The following ROCK2 variants were observed in gnomAD, a reference collection of about 807,000 sequenced individuals.
ROCK2 encodes rho-associated protein kinase 2.
ROCK2 carries 61 observed loss-of-function variants against 195.1 expected under a neutral mutation model. The observed-to-expected ratio is 0.31, with a 90% CI of 0.25 to 0.39. ROCK2 has a LOEUF of 0.39. Among genes scored for constraint, ROCK2 ranks in the 10% least tolerant of loss-of-function variants. The probability of loss-of-function intolerance (pLI) is 1.00; values close to 1 mark genes in which losing one functional copy is unlikely to be tolerated. For missense variants in ROCK2, 1,109 were observed against 1,637.4 expected, an observed-to-expected ratio of 0.68 and a Z score of 5.57; for synonymous variants, 504 against 545.5, an observed-to-expected ratio of 0.92 and a Z score of 1.06.
At position 11,197,257 on chromosome 2, in the gene ROCK2, T is replaced by C. The variant is rs759608106; in HGVS notation, c.3371A>G (p.Gln1124Arg). The stretch of plus-strand genomic sequence containing the variant: ...ACTATCCAGACCAATATGCAAGGCT[T>C]GGAGTTGTGACCGCAGCTGCTCAAT... The part of the protein sequence containing the change: ...SDIEQLRSQL[Q>R]ALHIGLDSSS... The change falls in exon 27 of 33, where the codon CAA becomes CGA. Residue 1124 changes from glutamine (Q) to arginine (R), a missense_variant. Gln to Arg is a conservative substitution (Grantham distance 43, BLOSUM62 1). Coordinates refer to ENST00000315872, the MANE Select transcript of ROCK2 (RefSeq NM_004850.5). This position sits in a 1 kb window ranked among gnomAD's most constrained non-coding sequence, Gnocchi z 4.9. 1 of 1,614,090 alleles carries C rather than the reference T, an allele frequency of 6.2e-7. No homozygotes were observed. The highest frequency in any genetic ancestry group is 8.5e-7 in the Non-Finnish European group (1 of 1,179,930).
intron 32 of ROCK2, among the ~76,000 whole-genome samples, chr2:11,189,707 C>A (rs1027709683): frequency 1.3e-5 from 2 of 152,022 alleles, no homozygotes; most frequent in Non-Finnish European, 2.9e-5. Flanking sequence ...ACTGGCCAGG[C>A]GTGGTGGCTC....
rs1247131322 is a variant in ROCK2, at chr2:11,192,698, A to G, written c.3702T>C (p.Asn1234=). The part of the protein sequence containing the change: ...IPRIFQILYA[N]EGESKKEQEF... ...CTTGTTCCTTCTTACTTTCTCCTTC[A>G]TTGGCATACAGAATCTATGAATGCC... The change falls in exon 31 of 33, where the codon AAT becomes AAC. Residue 1234 remains asparagine, a synonymous_variant. Coordinates refer to ENST00000315872, the MANE Select transcript of ROCK2 (RefSeq NM_004850.5). This position sits in a 1 kb window ranked among gnomAD's most constrained non-coding sequence, Gnocchi z 5.0. The G allele has an allele frequency of 1.9e-6, 3 of 1,612,702 alleles. No homozygotes were observed. The highest frequency in any genetic ancestry group is 2.5e-6 in the Non-Finnish European group (3 of 1,179,638).
In ROCK2 at chr2:11,182,647, T is replaced by TG. The variant is rs1455196763; in HGVS notation, c.*789dup. 6.6e-6 allele frequency: 1 copy of TG among 152,658 alleles called. No homozygotes were observed. Among genetic ancestry groups the TG allele is most frequent in the African/African-American group, 2.4e-5 (1 of 41,456 alleles). 9.5% of individuals were successfully genotyped at this position (152,658 alleles called of 1,614,324 possible). ...CCTAAGAGCTGGTAAACGCTTTTTTTGTTTTTTAATACAGACAGGGCTGAG... is the reference window on the plus strand; with the variant it reads ...CCTAAGAGCTGGTAAACGCTTTTTTTGGTTTTTTAATACAGACAGGGCTGAG... On this transcript the variant is annotated 3_prime_UTR_variant, in exon 33 of 33. Coordinates refer to ENST00000315872, the MANE Select transcript of ROCK2 (RefSeq NM_004850.5).
rs753685005 is a variant in ROCK2 at position 11,201,003 on chromosome 2, G to T, written c.2864C>A (p.Ala955Asp). Residue 955 changes from alanine (A) to aspartate (D), a missense_variant, in exon 23 of 33, where the codon GCT becomes GAT. Physicochemically the swap from Ala to Asp is moderately radical, Grantham distance 126. Coordinates refer to ENST00000315872, the MANE Select transcript of ROCK2 (RefSeq NM_004850.5). The surrounding 1 kb of genome is among the most constrained non-coding windows in gnomAD (Gnocchi z 4.6). ...MKELEIKEMMARHKQELTEKD... is the reference protein window; with the variant it reads ...MKELEIKEMMDRHKQELTEKD... The stretch of plus-strand genomic sequence containing the variant: ...TTCCGTAAGTTCCTGTTTGTGTCTA[G>T]CCATCATCTCTTTGATCTCCAGCTC... The T allele has an allele frequency of 3.1e-6, 5 of 1,610,972 alleles. No individual in the cohort carries two copies. The highest frequency in any genetic ancestry group is 4.2e-6 in the Non-Finnish European group (5 of 1,179,200).
chr2:11,326,579 T>C (rs1305134171), intron 1 of ROCK2, among the ~76,000 whole-genome samples: 1 of 152,198 alleles, frequency 6.6e-6, no homozygotes, highest in Non-Finnish European at 1.5e-5. Context: ...CGTTTTTGTT[T>C]TGTTTTTTAT....
intron 1 of ROCK2, among the ~76,000 whole-genome samples, chr2:11,330,033 C>A (rs1416299148): frequency 6.6e-6 from 1 of 152,080 alleles, no homozygotes; most frequent in Non-Finnish European, 1.5e-5. Flanking sequence ...TTGTACAACA[C>A]TGAGGTATTA....
intron 30 of ROCK2, 71 bp downstream of exon 30, chr2:11,193,708 C>T (rs2148032364): frequency 1.2e-6 from 1 of 818,862 alleles, no homozygotes; most frequent in Non-Finnish European, 2.0e-6. Context: ...TGTCATGTCA[C>T]TTGAGAACTT....
chr2:11,283,546 C>T (rs1330437534), intron 3 of ROCK2, among the ~76,000 whole-genome samples: 4 of 120,556 alleles, frequency 3.3e-5, no homozygotes, highest in East Asian at 4.8e-4. Flanking sequence ...CCGGCCTGGG[C>T]GACAGAGCGA....
chr2:11,283,493 G>A (rs1296518186), intron 3 of ROCK2, among the ~76,000 whole-genome samples: 25 of 147,560 alleles, frequency 1.7e-4, no homozygotes, highest in South Asian at 1.1e-3. Flanking sequence ...CCCGGGAAGC[G>A]GAGCTTGCAG....
intron 5 of ROCK2, among the ~76,000 whole-genome samples, chr2:11,228,324 A>G (rs1013168878): frequency 6.6e-6 from 1 of 152,210 alleles, no homozygotes; most frequent in Admixed American, 6.5e-5. Context: ...GGTTGAACAC[A>G]TTTTGTAAAC....
In ROCK2 at chr2:11,254,964, TCC is replaced by T. The variant is rs1430588213; in HGVS notation, c.325-5168_325-5167del. Among the ~76,000 whole-genome samples, 4 of 152,146 alleles carry T rather than the reference TCC, an allele frequency of 2.6e-5. No individual in the cohort carries two copies. In the East Asian group the frequency reaches 7.7e-4, roughly 29 times the overall value. On this transcript the variant is annotated intron_variant, in intron 3 of 32. Coordinates refer to ENST00000315872, the MANE Select transcript of ROCK2 (RefSeq NM_004850.5). ...CGGGCGCAGTGGCTCACGCCTGTAATCCCTGCACTTTGGGAGGCTGAGGCGGG... is the reference window on the plus strand; with the variant it reads ...CGGGCGCAGTGGCTCACGCCTGTAATCTGCACTTTGGGAGGCTGAGGCGGG...
chr2:11,247,387 A>G (rs1361825254), intron 4 of ROCK2, among the ~76,000 whole-genome samples: 1 of 152,246 alleles, frequency 6.6e-6, no homozygotes, highest in Non-Finnish European at 1.5e-5. Flanking sequence ...AAGGTCAAAC[A>G]TTTTATACAC....
chr2:11,227,714 C>T (rs900998150), intron 5 of ROCK2, among the ~76,000 whole-genome samples: 2 of 152,184 alleles, frequency 1.3e-5, no homozygotes, highest in African/African-American at 4.8e-5. Context: ...TCTTACACTA[C>T]AGTTATGAGG....
chr2:11,316,240 G>A (rs2148238870), intron 1 of ROCK2, among the ~76,000 whole-genome samples: 1 of 152,226 alleles, frequency 6.6e-6, no homozygotes, highest in South Asian at 2.1e-4. Context: ...GTGGGTGGAA[G>A]AGGAGGTGAT....
In ROCK2 at chr2:11,224,337, G is replaced by A. The variant is rs764103419; in HGVS notation, c.992C>T (p.Ala331Val). 1.9e-6 allele frequency: 3 copies of A among 1,612,498 alleles called. No homozygotes were observed. The highest frequency in any genetic ancestry group is 2.5e-6 in the Non-Finnish European group (3 of 1,179,098). Reference sequence around the variant, plus strand: ...TGTACATTACCTATCTGTTAAGAAAGCACAGATGAGATTCTTTGCATGTTT... The same window carrying A: ...TGTACATTACCTATCTGTTAAGAAAACACAGATGAGATTCTTTGCATGTTT... ...ISKHAKNLIC[A>V]FLTDREVRLG... Residue 331 changes from alanine to valine, a missense_variant, in exon 7 of 33, where the codon GCT (alanine) becomes GTT (valine). Physicochemically the swap from Ala to Val is moderately conservative, Grantham distance 64. Coordinates refer to ENST00000315872, the MANE Select transcript of ROCK2 (RefSeq NM_004850.5).
intron 1 of ROCK2, among the ~76,000 whole-genome samples, chr2:11,317,593 TATATATATATATA>T (rs1271297600): frequency 2.1e-4 from 3 of 14,506 alleles, no homozygotes; most frequent in African/African-American, 4.4e-4. Flanking sequence ...TATATATATA[TATATATATATATA>T]TATATATTTT....
intron 3 of ROCK2, among the ~76,000 whole-genome samples, chr2:11,272,349 C>T (rs1463873236): frequency 6.6e-6 from 1 of 152,220 alleles, no homozygotes; most frequent in Non-Finnish European, 1.5e-5. Flanking sequence ...TCCAGTATTA[C>T]TGTAATAATG....
Position 11,211,823 on chromosome 2 carries a change from T to C in ROCK2, c.2061A>G (p.Glu687=). 6.3e-7 allele frequency: 1 copy of C among 1,593,034 alleles called. No homozygotes were observed. Among genetic ancestry groups the C allele is most frequent in the Non-Finnish European group, 8.5e-7 (1 of 1,173,326 alleles). ...TDLEKEKSNM[E]IDMTYQLKVI... Reference sequence around the variant, plus strand: ...CTTTTAGTTGGTATGTCATATCTATTTCCATGTTGCTTTTTTCCTATTAAA... The same window carrying C: ...CTTTTAGTTGGTATGTCATATCTATCTCCATGTTGCTTTTTTCCTATTAAA... Residue 687 remains glutamate, a synonymous_variant, in exon 18 of 33, where the codon GAA becomes GAG. Coordinates refer to ENST00000315872, the MANE Select transcript of ROCK2 (RefSeq NM_004850.5).
intron 3 of ROCK2, among the ~76,000 whole-genome samples, chr2:11,250,769 A>T (rs968004281): frequency 3.3e-5 from 5 of 152,200 alleles, no homozygotes; most frequent in African/African-American, 1.2e-4. Context: ...AACCATTTCT[A>T]ACTACCTCCA....
Sources: gnomAD v4.1 joint callset for allele counts (sites outside exome capture counted in the v4.1 genomes callset) on GRCh38, gnomAD v4.1.1 for gene constraint, Gnocchi (gnomAD v3.1) non-coding constraint, MANE v1.5 for transcripts, NCBI Gene and HGNC (gene_info 2026-07-23, HGNC 2026-07-21) for gene names.